Variants in VIM observed in about 807,000 individuals in gnomAD.
VIM encodes the protein vimentin, also known as epididymis secretory sperm binding protein.
A neutral mutation model predicts 50.3 loss-of-function variants in VIM; 18 were observed. The ratio of observed to expected loss-of-function variants is 0.36; its 90% confidence interval spans 0.25 to 0.53. The LOEUF (loss-of-function observed/expected upper bound fraction) is 0.53, where lower values mean the gene tolerates loss of function less well. Ranked by LOEUF, VIM falls within the 20% of genes least tolerant of loss-of-function variation. VIM has a pLI of 0.91. For synonymous variants in VIM, 245 were observed against 248.5 expected (o/e 0.99, Z 0.13); for missense variants, 551 against 614.7 (o/e 0.90, Z 1.10).
In VIM at chr10:17,229,418, C is replaced by G; in HGVS notation, c.-5C>G. 6.2e-7 allele frequency: 1 copy of G among 1,601,534 alleles called. No individual in the cohort carries two copies. Among genetic ancestry groups the G allele is most frequent in the South Asian group, 1.1e-5 (1 of 90,214 alleles). ...CCGCCCAGGCCATCGCCACCCTCCG[C>G]AGCCATGTCCACCAGGTCCGTGTCC... On this transcript the variant is annotated 5_prime_UTR_variant, in exon 2 of 10. Coordinates refer to ENST00000544301, the MANE Select transcript of VIM (RefSeq NM_003380.5).
chr10:17,232,123 A>G (rs1039099068), intron 3 of VIM, among the ~76,000 whole-genome samples: 16 of 152,216 alleles, frequency 1.1e-4, no homozygotes, highest in African/African-American at 2.7e-4. Context: ...CATTCTCTTC[A>G]ATGTGATAGA....
At chr10:17,235,410 T>C (rs1846870597) in intron 7 of VIM, 21 bp downstream of exon 7, 1 of 1,612,374 alleles carries the variant, frequency 6.2e-7, no homozygotes, top group Non-Finnish European at 8.5e-7. Flanking sequence ...CAGACTTGGA[T>C]GCGTGAACTA....
intron 5 of VIM, 168 bp downstream of exon 5, chr10:17,234,099 C>T (rs1210539403): frequency 1.4e-6 from 1 of 717,372 alleles, no homozygotes; most frequent in African/African-American, 1.8e-5. Context: ...CACATCACCT[C>T]CTTTATTTAT....
chr10:17,234,695 T>C lies in VIM; in HGVS notation c.885T>C (p.Phe295=). ...QEAEEWYKSK[F]ADLSEAANRN... Reference sequence around the variant, plus strand: ...CATTTCTGTTTTCTTCCCAACAGTTTGCTGACCTCTCTGAGGCTGCCAACC... The same window carrying C: ...CATTTCTGTTTTCTTCCCAACAGTTCGCTGACCTCTCTGAGGCTGCCAACC... Residue 295 remains phenylalanine (F), a splice_region_variant and synonymous_variant, in exon 6 of 10, where the codon TTT becomes TTC. Transcript: ENST00000544301. 6.2e-7 allele frequency: 1 copy of C among 1,614,106 alleles called. No individual in the cohort carries two copies.
At position 17,235,873 on chromosome 10, in the gene VIM, C is replaced by T. The variant is rs11545556; in HGVS notation, c.1257C>T (p.Ser419=). 1.9e-6 allele frequency: 3 copies of T among 1,613,918 alleles called. No individual in the cohort carries two copies. The highest frequency in any genetic ancestry group is 3.3e-5 in the Admixed American group (2 of 60,016). The change falls in exon 8 of 10, where the codon TCC becomes TCT. Residue 419 remains serine, a synonymous_variant. Coordinates refer to ENST00000544301, the MANE Select transcript of VIM (RefSeq NM_003380.5). ...SRISLPLPNF[S]SLNLRETNLD... The stretch of plus-strand genomic sequence containing the variant: ...TTTCTCTGCCTCTTCCAAACTTTTC[C>T]TCCCTGAACCTGAGGGGTAAGCATT...
intron 3 of VIM, chr10:17,231,001 C>A: frequency 2.5e-6 from 1 of 394,778 alleles, no homozygotes; most frequent in Non-Finnish European, 4.7e-6. Flanking sequence ...CTCCCGGGTT[C>A]AAGCGATCCT....
intron 5 of VIM, 60 bp from the exon 6 acceptor site, chr10:17,234,633 T>C: frequency 4.4e-6 from 7 of 1,607,654 alleles, no homozygotes; most frequent in South Asian, 1.1e-5. Context: ...ATTTTTTTTT[T>C]CTAAGAGAGT....
At position 17,229,312 on chromosome 10, in the gene VIM, A is replaced by C; in HGVS notation, c.-111A>C. The C allele has an allele frequency of 6.0e-6, 7 of 1,165,554 alleles. No homozygotes were observed. The highest frequency in any genetic ancestry group is 8.5e-6 in the Non-Finnish European group (7 of 821,016). The allele number at this position is 1,165,554 out of a possible 1,614,324, so 72.2% of individuals were successfully genotyped here. ...TCTCGCTCCGAGGTCCCCGCGCCAG[A>C]GACGCAGCCGCGCTCCCACCACCCA... On this transcript the variant is annotated 5_prime_UTR_variant, in exon 2 of 10. Transcript: ENST00000544301.
chr10:17,229,398 C>T lies in VIM; in HGVS notation c.-25C>T. On this transcript the variant is annotated 5_prime_UTR_variant, in exon 2 of 10. Coordinates refer to ENST00000544301, the MANE Select transcript of VIM (RefSeq NM_003380.5). The stretch of plus-strand genomic sequence containing the variant: ...GCCAGTCCGCGCCACCGCCGCCGCC[C>T]AGGCCATCGCCACCCTCCGCAGCCA... 6.3e-7 allele frequency: 1 copy of T among 1,586,712 alleles called. No homozygotes were observed. Among genetic ancestry groups the T allele is most frequent in the Non-Finnish European group, 8.5e-7 (1 of 1,172,358 alleles).
At chr10:17,230,987 C>G (rs1588733086) in intron 3 of VIM, 2 of 412,542 alleles carry the variant, frequency 4.8e-6, no homozygotes, top group East Asian at 1.0e-4. Flanking sequence ...ACTGCATCCT[C>G]CGCCTCCCGG....
chr10:17,232,922 T>C (rs1203493301), intron 3 of VIM, among the ~76,000 whole-genome samples: 1 of 152,240 alleles, frequency 6.6e-6, no homozygotes, highest in Non-Finnish European at 1.5e-5. Flanking sequence ...ATAGATTTTC[T>C]AGATTTAAAA....
chr10:17,235,602 A>G (rs570298385), intron 7 of VIM: 1 of 701,768 alleles, frequency 1.4e-6, no homozygotes, highest in African/African-American at 1.8e-5. Context: ...TTGAACCCAT[A>G]ACTCTGTCAA....
Position 17,229,354 on chromosome 10 carries a change from G to A in VIM, c.-69G>A. On this transcript the variant is annotated 5_prime_UTR_variant, in exon 2 of 10. Transcript: ENST00000544301. The stretch of plus-strand genomic sequence containing the variant: ...CACCACCCACACCCACCGCGCCCTC[G>A]TTCGCCTCTTCTCCGGGAGCCAGTC... 2.0e-6 allele frequency: 3 copies of A among 1,509,962 alleles called. No homozygotes were observed. The highest frequency in any genetic ancestry group is 1.2e-5 in the South Asian group (1 of 83,728). The allele number at this position is 1,509,962 out of a possible 1,614,324, so 93.5% of individuals were successfully genotyped here.
chr10:17,235,543 A>T (rs1846872980), intron 7 of VIM, 154 bp downstream of exon 7: 1 of 879,268 alleles, frequency 1.1e-6, no homozygotes, highest in African/African-American at 1.7e-5. Context: ...GAATTGAGAG[A>T]GAGTAAGTGA....
chr10:17,231,980 A>G (rs1320947338), intron 3 of VIM, among the ~76,000 whole-genome samples: 2 of 152,192 alleles, frequency 1.3e-5, no homozygotes, highest in African/African-American at 2.4e-5. Context: ...TAACCACAGC[A>G]ATGTGTGTGG....
rs45437393 is a variant in VIM, at chr10:17,233,451, C to T, written c.625-136C>T. Reference sequence around the variant, plus strand: ...GCACTGAATGATTTATAAACCTATTCCAGGGTCATAAAATGTGTCAACGGC... The same window carrying T: ...GCACTGAATGATTTATAAACCTATTTCAGGGTCATAAAATGTGTCAACGGC... On this transcript the variant is annotated intron_variant, in intron 3 of 9. Transcript: ENST00000544301. 11,321 of 792,736 alleles carry T rather than the reference C, an allele frequency of 0.014. 102 individuals carry two copies. The highest frequency in any genetic ancestry group is 0.02 in the Non-Finnish European group (9,221 of 466,654). The allele number at this position is 792,736 out of a possible 1,614,324, so 49.1% of individuals were successfully genotyped here.
intron 4 of VIM, 32 bp downstream of exon 4, chr10:17,233,714 G>A (rs1444281158): frequency 1.2e-6 from 2 of 1,614,054 alleles, no homozygotes; most frequent in Non-Finnish European, 8.5e-7. Context: ...GAATGAATGA[G>A]GGTAAGGCAG....
In VIM at chr10:17,235,139, A is replaced by C. The variant is rs764029180; in HGVS notation, c.1009-30A>C. ...GAACAGCTGGGTTTTTCTGAGAAATAACACCAGACATCTTTCTCACCCCCT... is the reference window on the plus strand; with the variant it reads ...GAACAGCTGGGTTTTTCTGAGAAATCACACCAGACATCTTTCTCACCCCCT... On this transcript the variant is annotated intron_variant, in intron 6 of 9. Transcript: ENST00000544301. 2.0e-5 allele frequency: 32 copies of C among 1,612,190 alleles called. 1 individual carries two copies. In the South Asian group the frequency reaches 3.3e-4, roughly 17 times the overall value.
At chr10:17,236,412 C>T in intron 9 of VIM, 33 bp downstream of exon 9, 1 of 1,486,400 alleles carries the variant, frequency 6.7e-7, no homozygotes, top group African/African-American at 1.4e-5. Flanking sequence ...ATAGGGTAAT[C>T]TCAGACAGGA....
Sources: gnomAD v4.1 joint callset for allele counts (sites outside exome capture counted in the v4.1 genomes callset) on GRCh38, gnomAD v4.1.1 for gene constraint, MANE v1.5 for transcripts, NCBI Gene and HGNC (gene_info 2026-07-23, HGNC 2026-07-21) for gene names.